The following CFAP54 variants were observed in gnomAD, a reference collection of about 807,000 sequenced individuals.
CFAP54 encodes the protein cilia- and flagella-associated protein 54.
In CFAP54, 290 loss-of-function variants were observed where a neutral mutation model predicts 370.4. The ratio of observed to expected loss-of-function variants is 0.78; its 90% CI spans 0.71 to 0.86. The LOEUF (loss-of-function observed/expected upper bound fraction) is 0.86. Among genes scored for constraint, CFAP54 ranks in the 40% least tolerant of loss-of-function variants. CFAP54 has a pLI of 0.00. For missense variants in CFAP54, 3,399 were observed against 3,528.7 expected (o/e 0.96, Z 0.93); for synonymous variants, 1,206 against 1,236.5 (o/e 0.98, Z 0.52).
At chr12:96,747,394 C>A (rs1329142322) in intron 55 of CFAP54, among the ~76,000 whole-genome samples, 1 of 152,116 alleles carries the variant, frequency 6.6e-6, no homozygotes, top group Non-Finnish European at 1.5e-5. Flanking sequence ...CTCCTTTAAT[C>A]TGCTATAATG....
rs1023778124 is a variant in CFAP54, at chr12:96,508,861, C to T, written c.739+1762C>T. ...TGAGCACCTGGTTTGCCTGACCTCT[C>T]TAATTGCACAAATAATTCTGCAATG... is the stretch of plus-strand genomic sequence containing the variant. On this transcript the variant is annotated intron_variant, in intron 4 of 67. Transcript: ENST00000524981. 1.6e-4 allele frequency among the ~76,000 whole-genome samples: 24 copies of T among 152,252 alleles called. 1 individual carries two copies. Among genetic ancestry groups the T allele is most frequent in the African/African-American group, 5.3e-4 (22 of 41,542 alleles).
At chr12:96,833,450 G>A (rs1452261302) in intron 66 of CFAP54, among the ~76,000 whole-genome samples, 1 of 151,810 alleles carries the variant, frequency 6.6e-6, no homozygotes, top group Non-Finnish European at 1.5e-5. Context: ...AAATGAAATA[G>A]TTTCATATTG....
intron 2 of CFAP54, among the ~76,000 whole-genome samples, chr12:96,502,411 A>AAG (rs1390588147): frequency 6.6e-6 from 1 of 151,400 alleles, no homozygotes; most frequent in Middle Eastern, 3.4e-3. Flanking sequence ...AAAAAAAAAA[A>AAG]AAAAAAAAGG....
intron 6 of CFAP54, among the ~76,000 whole-genome samples, chr12:96,521,509 T>C (rs1488763745): frequency 1.7e-4 from 12 of 70,836 alleles, no homozygotes; most frequent in African/African-American, 6.2e-4. Flanking sequence ...AGGACGTGTG[T>C]GTGTGTGTGT....
Position 96,521,940 on chromosome 12 carries a change from G to A in CFAP54, c.1026G>A (p.Ser342=), listed in dbSNP as rs17025491. ...LMSSSKSQEE[S]RRYFREATMK... is the part of the protein sequence containing the mutation. Reference sequence around the variant, plus strand: ...GTTCCTCAAAATCCCAGGAAGAATCGCGAAGATATTTTCGAGAGGCCACAA... The same window carrying A: ...GTTCCTCAAAATCCCAGGAAGAATCACGAAGATATTTTCGAGAGGCCACAA... Residue 342 remains serine, a synonymous_variant, in exon 7 of 68, where the codon TCG becomes TCA. Transcript: ENST00000524981. 4,974 of 1,534,730 alleles carry A rather than the reference G, an allele frequency of 3.2e-3. 142 individuals carry two copies. The African/African-American group carries it at 0.06, about 18-fold the overall frequency.
intron 9 of CFAP54, among the ~76,000 whole-genome samples, chr12:96,528,146 A>G (rs537846437): frequency 6.6e-6 from 1 of 152,152 alleles, no homozygotes; most frequent in African/African-American, 2.4e-5. Context: ...ACATTTTGCC[A>G]TTATTTGAGA....
intron 5 of CFAP54, 143 bp downstream of exon 5, chr12:96,513,187 T>G (rs966179589): frequency 3.5e-6 from 1 of 283,926 alleles, no homozygotes; most frequent in East Asian, 6.6e-5. Context: ...ATATATTATA[T>G]AGCTTTATTA....
intron 19 of CFAP54, among the ~76,000 whole-genome samples, chr12:96,565,328 G>T (rs1592853576): frequency 6.6e-6 from 1 of 152,094 alleles, no homozygotes; most frequent in South Asian, 2.1e-4. Context: ...TGAACTCCTG[G>T]GTTTAAATGG....
In CFAP54 at chr12:96,557,505, G is replaced by A. The variant is rs1051174560; in HGVS notation, c.2410+2703G>A. On this transcript the variant is annotated intron_variant, in intron 17 of 67. Transcript: ENST00000524981. ...ATAGAAGGATGCTTGTAGAAGCAGT[G>A]TTCATAATAGCAAAAAACTGGAAAC... Among the ~76,000 whole-genome samples the A allele has an allele frequency of 2.0e-5, 3 of 152,068 alleles. No homozygotes were observed. In the East Asian group the frequency reaches 5.8e-4, roughly 29 times the overall value.
At chr12:96,522,264 G>C in intron 8 of CFAP54, 75 bp downstream of exon 8, 1 of 975,180 alleles carries the variant, frequency 1.0e-6, no homozygotes, top group Non-Finnish European at 1.5e-6. Context: ...TGTCTTTCAA[G>C]CCTAGTCACT....
At chr12:96,647,742 G>A (rs576341392) in intron 33 of CFAP54, 133 bp from the exon 34 acceptor site, 7 of 749,404 alleles carry the variant, frequency 9.3e-6, no homozygotes, top group Non-Finnish European at 1.0e-5. Context: ...CTTTGATTAA[G>A]TGACAAAACC....
intron 63 of CFAP54, among the ~76,000 whole-genome samples, chr12:96,797,119 A>C (rs1025182087): frequency 6.6e-6 from 1 of 152,136 alleles, no homozygotes; most frequent in Non-Finnish European, 1.5e-5. Context: ...TGTTTCTAAA[A>C]TTCCAAACTA....
intron 55 of CFAP54, 46 bp downstream of exon 55, chr12:96,744,192 T>G: frequency 6.6e-7 from 1 of 1,515,532 alleles, no homozygotes; most frequent in South Asian, 1.2e-5. Flanking sequence ...CTGATAAAAC[T>G]TTTTAAGTTA....
intron 38 of CFAP54, among the ~76,000 whole-genome samples, chr12:96,662,496 C>G (rs1957006318): frequency 6.6e-6 from 1 of 152,190 alleles, no homozygotes; most frequent in Non-Finnish European, 1.5e-5. Flanking sequence ...TGAACCACCA[C>G]ACCCAGCCTG....
At chr12:96,528,637 G>C (rs1955408390) in intron 9 of CFAP54, among the ~76,000 whole-genome samples, 1 of 152,044 alleles carries the variant, frequency 6.6e-6, no homozygotes, top group Non-Finnish European at 1.5e-5. Context: ...AAATTTTTCA[G>C]ATTTTCTTTT....
intron 65 of CFAP54, among the ~76,000 whole-genome samples, chr12:96,821,248 A>T (rs1959030176): frequency 2.6e-5 from 4 of 152,160 alleles, no homozygotes; most frequent in Non-Finnish European, 4.4e-5. Context: ...CCAGCATCTG[A>T]GTCAAGAGGT....
chr12:96,497,658 A>G (rs1294117337), intron 1 of CFAP54, among the ~76,000 whole-genome samples: 2 of 152,198 alleles, frequency 1.3e-5, no homozygotes, highest in South Asian at 2.1e-4. Context: ...AGCACCTACA[A>G]CAGCAGAAAG....
intron 26 of CFAP54, among the ~76,000 whole-genome samples, chr12:96,613,640 A>C (rs760974027): frequency 1.3e-5 from 2 of 152,204 alleles, no homozygotes; most frequent in South Asian, 2.1e-4. Flanking sequence ...ATAAAGAAGA[A>C]AAGAGACAAG....
At chr12:96,862,278 A>T (rs1334038410) in intron 67 of CFAP54, among the ~76,000 whole-genome samples, 1 of 152,190 alleles carries the variant, frequency 6.6e-6, no homozygotes, top group Non-Finnish European at 1.5e-5. Context: ...AAATTTTGCT[A>T]GAAGGGGGCA....
Sources: gnomAD v4.1 joint callset for allele counts (sites outside exome capture counted in the v4.1 genomes callset) on GRCh38, gnomAD v4.1.1 for gene constraint, MANE v1.5 for transcripts, NCBI Gene and HGNC (gene_info 2026-07-23, HGNC 2026-07-21) for gene names.